BMPER: variants seen among roughly 807,000 people sequenced by gnomAD.
BMPER encodes BMP binding endothelial regulator, also known as BMP-binding endothelial regulator protein.
A neutral mutation model predicts 87.3 loss-of-function variants in BMPER; 45 were observed. The ratio of observed to expected loss-of-function variants is 0.52; its 90% confidence interval spans 0.41 to 0.66. The LOEUF (loss-of-function observed/expected upper bound fraction) is 0.66, where lower values mean the gene tolerates loss of function less well. Ranked by LOEUF, BMPER falls within the 30% of genes least tolerant of loss-of-function variation. The probability of loss-of-function intolerance (pLI) is 0.00; values close to 1 mark genes in which losing one functional copy is unlikely to be tolerated. For synonymous variants in BMPER, 326 were observed against 316.2 expected (o/e 1.03, Z -0.33); for missense variants, 784 against 867.5 (o/e 0.90, Z 1.21).
At chr7:34,129,632 G>GAAAGAAAGAAAGAAAGAAAGAA (rs1562762136) in intron 13 of BMPER, among the ~76,000 whole-genome samples, 1 of 145,368 alleles carries the variant, frequency 6.9e-6, no homozygotes, top group East Asian at 2.0e-4. Flanking sequence ...GAGAAAGAGA[G>GAAAGAAAGAAAGAAAGAAAGAA]AAAGAAAGAA....
At chr7:33,927,646 T>C (rs1159854291) in intron 2 of BMPER, among the ~76,000 whole-genome samples, 1 of 151,960 alleles carries the variant, frequency 6.6e-6, no homozygotes, top group Admixed American at 6.6e-5. Context: ...TCCTATGGAG[T>C]TACCTAATAT....
chr7:34,152,058 T>A (rs186313449), intron 14 of BMPER, among the ~76,000 whole-genome samples: 1 of 152,210 alleles, frequency 6.6e-6, no homozygotes, highest in Admixed American at 6.5e-5. Context: ...AAGACTCAAA[T>A]TGAGGCCCGT....
At position 34,079,132 on chromosome 7, in the gene BMPER, C is replaced by T. The variant is rs1402319252; in HGVS notation, c.1354C>T (p.Pro452Ser). The change falls in exon 12 of 15, where the codon CCA (proline) becomes TCA (serine). Residue 452 changes from proline to serine, a missense_variant. Coordinates refer to ENST00000649409, the MANE Select transcript of BMPER (RefSeq NM_001365308.1). ...GSRIALPCRA[P>S]HFHIDLDGYL... ...GCGCATCGCGCTCCCCTGCCGCGCG[C>T]CACACTTCCACATCGACCTGGATGG... 6.2e-7 allele frequency: 1 copy of T among 1,613,958 alleles called. No individual in the cohort carries two copies. Among genetic ancestry groups the T allele is most frequent in the African/African-American group, 1.3e-5 (1 of 75,056 alleles).
chr7:33,919,745 T>C (rs998944303), intron 2 of BMPER, among the ~76,000 whole-genome samples: 5 of 152,196 alleles, frequency 3.3e-5, no homozygotes, highest in African/African-American at 9.6e-5. Context: ...AGAAGGGGAT[T>C]AAATTATGGT....
At chr7:33,948,945 G>A (rs1411559918) in intron 3 of BMPER, among the ~76,000 whole-genome samples, 1 of 152,144 alleles carries the variant, frequency 6.6e-6, no homozygotes. Context: ...GAGAGAGAGA[G>A]AGAGAGAGAG....
rs577986020 is a variant in BMPER, at chr7:34,071,394, A to C, written c.1079-7463A>C. ...TGTTATAGGCAAACAAATTGAGGTT[A>C]TGTAGGTAGTTTGTGCATGATTTTA... On this transcript the variant is annotated intron_variant, in intron 11 of 14. Transcript: ENST00000649409. Among the ~76,000 whole-genome samples, 81 of 152,328 alleles carry C rather than the reference A, an allele frequency of 5.3e-4. No individual in the cohort carries two copies. In the South Asian group the frequency reaches 7.3e-3, roughly 14 times the overall value.
At chr7:34,056,402 TAAAAAAAATTAA>T (rs1562714563) in intron 9 of BMPER, among the ~76,000 whole-genome samples, 1 of 151,534 alleles carries the variant, frequency 6.6e-6, no homozygotes, top group Non-Finnish European at 1.5e-5. Flanking sequence ...AAAAATAAAA[TAAAAAAAATTAA>T]AAAAGAGAAA....
chr7:33,911,512 A>G (rs1218498452), intron 2 of BMPER, among the ~76,000 whole-genome samples: 2 of 152,244 alleles, frequency 1.3e-5, no homozygotes, highest in Non-Finnish European at 2.9e-5. Context: ...AGGCAGTTAT[A>G]GTGGTTTTGA....
chr7:33,935,611 A>G (rs1018824712), intron 2 of BMPER, among the ~76,000 whole-genome samples: 2 of 151,556 alleles, frequency 1.3e-5, no homozygotes, highest in Admixed American at 6.6e-5. Flanking sequence ...AGAGAGAGAG[A>G]GAAGGAGAAA....
rs1157130864 is a variant in BMPER at position 34,153,223 on chromosome 7, G to A, written c.2008G>A (p.Val670Ile). Residue 670 changes from valine to isoleucine, a missense_variant, in exon 15 of 15, where the codon GTC becomes ATC. Val to Ile is a conservative substitution (Grantham distance 29). Coordinates refer to ENST00000649409, the MANE Select transcript of BMPER (RefSeq NM_001365308.1). ...TGGGTGCCACTGTCCAGCAAACTTG[G>A]TCCTTCACAAGGGAAGGTGCATCAA... ...VAGCHCPANL[V>I]LHKGRCIKPV... is the part of the protein sequence containing the mutation. 2 of 1,614,004 alleles carry A rather than the reference G, an allele frequency of 1.2e-6. No homozygotes were observed. The highest frequency in any genetic ancestry group is 1.7e-6 in the Non-Finnish European group (2 of 1,179,984).
chr7:33,906,141 T>TA (rs758804603), intron 1 of BMPER, among the ~76,000 whole-genome samples: 2 of 152,210 alleles, frequency 1.3e-5, no homozygotes, highest in African/African-American at 2.4e-5. Context: ...GAGTGCTTTT[T>TA]AAAGCACTGG....
At chr7:34,119,014 T>TCTCTCTCACACACACACACACACACACA (rs66493349) in intron 13 of BMPER, among the ~76,000 whole-genome samples, 6 of 135,712 alleles carry the variant, frequency 4.4e-5, no homozygotes, top group East Asian at 2.2e-4. Flanking sequence ...TCTCTCTCTC[T>TCTCTCTCACACACACACACACACACACA]CACACACACA....
At chr7:34,096,141 T>C (rs757126763) in intron 13 of BMPER, among the ~76,000 whole-genome samples, 5 of 152,146 alleles carry the variant, frequency 3.3e-5, no homozygotes, top group Admixed American at 6.5e-5. Flanking sequence ...TCCACCTGGG[T>C]GCCAGAACTC....
intron 13 of BMPER, among the ~76,000 whole-genome samples, chr7:34,142,844 A>T (rs1307528811): frequency 6.6e-6 from 1 of 152,246 alleles, no homozygotes; most frequent in Non-Finnish European, 1.5e-5. Context: ...CATTAGGCGC[A>T]TTGGGCTATT....
rs553237976 is a variant in BMPER at position 34,072,781 on chromosome 7, T to C, written c.1079-6076T>C. On this transcript the variant is annotated intron_variant, in intron 11 of 14. Coordinates refer to ENST00000649409, the MANE Select transcript of BMPER (RefSeq NM_001365308.1). ...TCTTGGTCATATTAGGCATTAGAGG[T>C]AAGTTCTTTTCCCATGTTGTTCTGA... 6.6e-5 allele frequency among the ~76,000 whole-genome samples: 10 copies of C among 152,296 alleles called. No homozygotes were observed. In the East Asian group the frequency reaches 1.7e-3, roughly 26 times the overall value.
chr7:33,980,858 G>A (rs1785837409), intron 6 of BMPER, among the ~76,000 whole-genome samples: 1 of 152,190 alleles, frequency 6.6e-6, no homozygotes. Flanking sequence ...GCTCTTAGAA[G>A]CCCTGAAGTC....
At chr7:34,049,759 TA>T (rs905926890) in intron 7 of BMPER, among the ~76,000 whole-genome samples, 2 of 151,936 alleles carry the variant, frequency 1.3e-5, no homozygotes, top group African/African-American at 2.4e-5. Context: ...TTATCACAAT[TA>T]AAAAAAATTA....
intron 13 of BMPER, among the ~76,000 whole-genome samples, chr7:34,128,674 A>T (rs1790465923): frequency 6.6e-6 from 1 of 152,202 alleles, no homozygotes; most frequent in African/African-American, 2.4e-5. Flanking sequence ...TGTCACATGG[A>T]AGCTGAAATA....
chr7:33,963,031 G>C (rs1447496012), intron 3 of BMPER, among the ~76,000 whole-genome samples: 1 of 152,132 alleles, frequency 6.6e-6, no homozygotes, highest in African/African-American at 2.4e-5. Context: ...TTTAGACCTG[G>C]ATGTAAAAAT....
Sources: gnomAD v4.1 joint callset for allele counts (sites outside exome capture counted in the v4.1 genomes callset) on GRCh38, gnomAD v4.1.1 for gene constraint, MANE v1.5 for transcripts, NCBI Gene and HGNC (gene_info 2026-07-23, HGNC 2026-07-21) for gene names.